Variants in WNK2 observed in about 807,000 individuals in gnomAD.
The protein encoded by WNK2 is serine/threonine-protein kinase WNK2.
In WNK2, 67 loss-of-function variants were observed where a neutral mutation model predicts 192.1. That is an observed-to-expected ratio of 0.35 (90% CI 0.29 to 0.43). WNK2 has a LOEUF of 0.43. Among genes scored for constraint, WNK2 ranks in the 20% least tolerant of loss-of-function variants. WNK2 has a pLI of 1.00. For synonymous variants in WNK2, 1,439 were observed against 1,393.9 expected, an observed-to-expected ratio of 1.03 and a Z score of -0.72; for missense variants, 2,698 against 3,089.7, an observed-to-expected ratio of 0.87 and a Z score of 3.01.
intron 19 of WNK2, among the ~76,000 whole-genome samples, chr9:93,287,580 C>A (rs111864348): frequency 0.018 from 2,693 of 152,128 alleles, 40 homozygotes; most frequent in Non-Finnish European, 0.022. Context: ...ACGGTAAGGC[C>A]GGAAAGGAGC....
intron 10 of WNK2, 113 bp from the exon 11 acceptor site, chr9:93,256,835 C>CGTG (rs1843381655): frequency 1.1e-6 from 1 of 951,102 alleles, no homozygotes; most frequent in Non-Finnish European, 1.5e-6. Context: ...TGAATGTGAG[C>CGTG]ATGTGCGTGT....
At chr9:93,274,737 C>T (rs1846524962) in intron 19 of WNK2, among the ~76,000 whole-genome samples, 1 of 152,066 alleles carries the variant, frequency 6.6e-6, no homozygotes, top group South Asian at 2.1e-4. Context: ...TAGCCCTGTA[C>T]CTGTTTTTAA....
At chr9:93,207,119 C>T (rs1186174253) in intron 2 of WNK2, among the ~76,000 whole-genome samples, 1 of 152,110 alleles carries the variant, frequency 6.6e-6, no homozygotes, top group Non-Finnish European at 1.5e-5. Flanking sequence ...GCCAGGCCAG[C>T]TGTGCAGGAG....
At chr9:93,269,322 G>A (rs2133252763) in intron 19 of WNK2, among the ~76,000 whole-genome samples, 1 of 152,268 alleles carries the variant, frequency 6.6e-6, no homozygotes, top group East Asian at 1.9e-4. Flanking sequence ...CAAATTTAAG[G>A]TTTAATTCCT....
At chr9:93,204,134 C>T (rs1010245604) in intron 2 of WNK2, among the ~76,000 whole-genome samples, 3 of 152,072 alleles carry the variant, frequency 2.0e-5, no homozygotes, top group Non-Finnish European at 4.4e-5. Context: ...GGTGTTTTAA[C>T]TGCCTGCTTG....
At chr9:93,253,453 A>G (rs981178732) in intron 9 of WNK2, among the ~76,000 whole-genome samples, 1 of 152,004 alleles carries the variant, frequency 6.6e-6, no homozygotes, top group Non-Finnish European at 1.5e-5. Context: ...AATGGTGACA[A>G]CCCACAGCCA....
At chr9:93,305,712 G>C (rs905928799) in intron 26 of WNK2, among the ~76,000 whole-genome samples, 1 of 152,244 alleles carries the variant, frequency 6.6e-6, no homozygotes, top group Non-Finnish European at 1.5e-5. Flanking sequence ...TTCTGGAGAA[G>C]GAAGGCAGAC....
chr9:93,229,919 C>A lies in WNK2; in HGVS notation c.854+51C>A. The stretch of plus-strand genomic sequence containing the variant: ...GGCGGGTCCTGGCATGGGTGCAGGG[C>A]TACCATAGCTGAGGGTGAGGTCTTG... On this transcript the variant is annotated intron_variant, in intron 3 of 29. Transcript: ENST00000427277. This position sits in a 1 kb window ranked among gnomAD's most constrained non-coding sequence, Gnocchi z 4.9. 2 of 1,586,414 alleles carry A rather than the reference C, an allele frequency of 1.3e-6. No homozygotes were observed. The highest frequency in any genetic ancestry group is 1.1e-5 in the South Asian group (1 of 88,460).
In WNK2 at chr9:93,320,470, G is replaced by T. The variant is rs6479474; in HGVS notation, c.*78G>T. On this transcript the variant is annotated 3_prime_UTR_variant, in exon 30 of 30. Coordinates refer to ENST00000427277, the MANE Select transcript of WNK2 (RefSeq NM_006648.4). ...ACCCTCAGGGCCAGCTGCTCCTCCT[G>T]TCCAGTTCACGCTGTTTTGTAACCA... The T allele has an allele frequency of 0.1, 137,390 of 1,341,982 alleles. 7,602 individuals carry two copies. Among genetic ancestry groups the T allele is most frequent in the African/African-American group, 0.16 (10,716 of 67,316 alleles). 83.1% of individuals were successfully genotyped at this position (1,341,982 alleles called of 1,614,324 possible).
chr9:93,297,433 G>C (rs1169979033), intron 23 of WNK2, among the ~76,000 whole-genome samples: 3 of 152,194 alleles, frequency 2.0e-5, no homozygotes, highest in Admixed American at 2.0e-4. Context: ...GCCTTCCACT[G>C]TCTGTTTCCC....
At position 93,229,677 on chromosome 9, in the gene WNK2, C is replaced by A; in HGVS notation, c.682-19C>A. The stretch of plus-strand genomic sequence containing the variant: ...TGTGTCCCATCTCTTGCCCACTTAG[C>A]ATGTCTCTTGCCCTGTAGGACCGGA... On this transcript the variant is annotated intron_variant, in intron 2 of 29. Coordinates refer to ENST00000427277, the MANE Select transcript of WNK2 (RefSeq NM_006648.4). This position sits in a 1 kb window ranked among gnomAD's most constrained non-coding sequence, Gnocchi z 4.9. 1 of 1,607,102 alleles carries A rather than the reference C, an allele frequency of 6.2e-7. No homozygotes were observed. The highest frequency in any genetic ancestry group is 8.5e-7 in the Non-Finnish European group (1 of 1,175,406).
chr9:93,210,078 A>G (rs150779232), intron 2 of WNK2, among the ~76,000 whole-genome samples: 2,537 of 152,260 alleles, frequency 0.017, 61 homozygotes, highest in African/African-American at 0.058. Context: ...GCAGTCCCAC[A>G]GCCTGACCCT....
In WNK2 at chr9:93,185,214, C is replaced by T. The variant is rs890301185; in HGVS notation, c.285C>T (p.Ala95=). ...IAERARGRPA[A]PAPAALVAQP... ...AGCGCGCCCGCGGACGCCCCGCCGC[C>T]CCCGCGCCCGCAGCGCTGGTAGCGC... Residue 95 remains alanine, a synonymous_variant, in exon 2 of 30, where the codon GCC becomes GCT. Coordinates refer to ENST00000427277, the MANE Select transcript of WNK2 (RefSeq NM_006648.4). 2.3e-5 allele frequency: 27 copies of T among 1,169,600 alleles called. No individual in the cohort carries two copies. Among genetic ancestry groups the T allele is most frequent in the Non-Finnish European group, 2.8e-5 (27 of 950,474 alleles). The allele number at this position is 1,169,600 out of a possible 1,614,324, so 72.5% of individuals were successfully genotyped here.
chr9:93,249,359 C>CT (rs1420846938), intron 8 of WNK2, among the ~76,000 whole-genome samples: 2 of 152,220 alleles, frequency 1.3e-5, no homozygotes, highest in East Asian at 3.8e-4. Context: ...CATCGACTGA[C>CT]TGATGATTGC....
intron 2 of WNK2, among the ~76,000 whole-genome samples, chr9:93,193,429 C>T (rs1185469145): frequency 6.6e-6 from 1 of 152,204 alleles, no homozygotes; most frequent in African/African-American, 2.4e-5. Context: ...GCAAAATAAA[C>T]AGTTGTCTCC....
At chr9:93,308,221 G>C in intron 27 of WNK2, 107 bp from the exon 28 acceptor site, 8 of 1,471,780 alleles carry the variant, frequency 5.4e-6, no homozygotes, top group Non-Finnish European at 6.3e-6. Context: ...CCTGGCCCAA[G>C]TGAGACCATT....
Position 93,247,750 on chromosome 9 carries a change from C to A in WNK2, c.1750C>A (p.Pro584Thr), listed in dbSNP as rs1264025116. The part of the protein sequence containing the change: ...QVTYHAQAGQ[P>T]GPPEPEEPEA... ...GACCTACCATGCACAGGCTGGGCAG[C>A]CCGGGCCACCAGAGCCCGAGGAGCC... The change falls in exon 8 of 30, where the codon CCC becomes ACC. Residue 584 changes from proline (P) to threonine (T), a missense_variant. Physicochemically the swap from Pro to Thr is conservative, Grantham distance 38. Transcript: ENST00000427277. This position sits in a 1 kb window ranked among gnomAD's most constrained non-coding sequence, Gnocchi z 5.2. 6.4e-7 allele frequency: 1 copy of A among 1,553,472 alleles called. No homozygotes were observed. Among genetic ancestry groups the A allele is most frequent in the Admixed American group, 1.9e-5 (1 of 51,538 alleles).
In WNK2 at chr9:93,292,909, G is replaced by C. The variant is rs749704729; in HGVS notation, c.5444G>C (p.Arg1815Pro). The change falls in exon 23 of 30, where the codon CGG (arginine) becomes CCG (proline). Residue 1815 changes from arginine (R) to proline (P), a missense_variant. By Grantham distance (103) the Arg-to-Pro change is moderately radical. Around this residue, in one of 7 missense-constraint regions of WNK2, gnomAD observed 1,098 missense variants for 1,101.0 expected, o/e 1.00. Transcript: ENST00000427277. ...VSSDSGDEGP[R>P]ARPPVQKQAS... ...AGCGACTCTGGGGACGAGGGCCCTC[G>C]GGCGAGACCCCCGGTGCAGAAGCAG... 3.3e-6 allele frequency: 5 copies of C among 1,521,998 alleles called. No homozygotes were observed. Among genetic ancestry groups the C allele is most frequent in the Non-Finnish European group, 4.4e-6 (5 of 1,135,526 alleles). 94.3% of individuals were successfully genotyped at this position (1,521,998 alleles called of 1,614,324 possible).
intron 21 of WNK2, among the ~76,000 whole-genome samples, chr9:93,291,969 T>G (rs1849433641): frequency 6.6e-6 from 1 of 152,164 alleles, no homozygotes; most frequent in Non-Finnish European, 1.5e-5. Flanking sequence ...CATCAGACGA[T>G]GGGATGAGAC....
Sources: gnomAD v4.1 joint callset for allele counts (sites outside exome capture counted in the v4.1 genomes callset) on GRCh38, gnomAD v4.1.1 for gene constraint, gnomAD v4.1.1 regional missense constraint, Gnocchi (gnomAD v3.1) non-coding constraint, MANE v1.5 for transcripts, NCBI Gene and HGNC (gene_info 2026-07-23, HGNC 2026-07-21) for gene names.